Variants in ACAP2 observed in about 807,000 individuals in gnomAD.
The protein encoded by ACAP2 is ArfGAP with coiled-coil, ankyrin repeat and PH domains 2, also known as arf-GAP with coiled-coil, ANK repeat and PH domain-containing protein 2.
ACAP2 carries 39 observed loss-of-function variants against 115.8 expected under a neutral mutation model. The ratio of observed to expected loss-of-function variants is 0.34; its 90% CI spans 0.26 to 0.44. The LOEUF (loss-of-function observed/expected upper bound fraction) is 0.44, where lower values mean the gene tolerates loss of function less well. Among genes scored for constraint, ACAP2 ranks in the 20% least tolerant of loss-of-function variants. The pLI is 1.00. For missense variants in ACAP2, 662 were observed against 927.6 expected, an observed-to-expected ratio of 0.71 and a Z score of 3.72; for synonymous variants, 289 against 315.8, an observed-to-expected ratio of 0.92 and a Z score of 0.90.
intron 4 of ACAP2, among the ~76,000 whole-genome samples, chr3:195,347,996 A>C (rs113449364): frequency 3.3e-5 from 5 of 152,252 alleles, no homozygotes; most frequent in African/African-American, 1.2e-4. Context: ...TAGCCCGAGC[A>C]ACAGAGTAAG....
chr3:195,412,963 C>A (rs139081998), intron 1 of ACAP2: 1 of 450,138 alleles, frequency 2.2e-6, no homozygotes, highest in East Asian at 7.0e-5. Context: ...AATATGTATA[C>A]ATGTAAGGTA....
chr3:195,319,586 G>A (rs750953110), intron 10 of ACAP2, among the ~76,000 whole-genome samples: 11 of 152,240 alleles, frequency 7.2e-5, no homozygotes, highest in Non-Finnish European at 1.3e-4. Context: ...TTTAATGACT[G>A]CCTGGCTGGG....
intron 1 of ACAP2, among the ~76,000 whole-genome samples, chr3:195,437,196 G>C (rs1395761219): frequency 6.8e-6 from 1 of 147,936 alleles, no homozygotes; most frequent in Non-Finnish European, 1.5e-5. Context: ...ACAGGCGTGG[G>C]CCACATTTGG....
At chr3:195,288,923 TATA>T (rs1727048911) in intron 21 of ACAP2, among the ~76,000 whole-genome samples, 195 bp downstream of exon 21, 1 of 152,120 alleles carries the variant, frequency 6.6e-6, no homozygotes, top group African/African-American at 2.4e-5. Flanking sequence ...TTGTATTAAG[TATA>T]ATAAGTAGAG....
chr3:195,363,392 C>T (rs1732499315), intron 4 of ACAP2, among the ~76,000 whole-genome samples: 1 of 152,064 alleles, frequency 6.6e-6, no homozygotes, highest in Non-Finnish European at 1.5e-5. Flanking sequence ...CCTGTAATCC[C>T]AGCACTTTGG....
chr3:195,320,956 G>T, intron 9 of ACAP2, 143 bp from the exon 10 acceptor site: 1 of 508,284 alleles, frequency 2.0e-6, no homozygotes, highest in Non-Finnish European at 3.5e-6. Flanking sequence ...AAATGAAGGG[G>T]GACTTAAATG....
At chr3:195,326,125 T>C (rs1354877914) in intron 9 of ACAP2, among the ~76,000 whole-genome samples, 2 of 152,212 alleles carry the variant, frequency 1.3e-5, no homozygotes, top group Admixed American at 1.3e-4. Flanking sequence ...CATAAAAAAG[T>C]TGATTTTACT....
At chr3:195,293,775 C>T (rs1404423095) in intron 18 of ACAP2, among the ~76,000 whole-genome samples, 2 of 151,942 alleles carry the variant, frequency 1.3e-5, no homozygotes, top group Admixed American at 1.3e-4. Flanking sequence ...AAGGTAGAGG[C>T]TGCAGTGAGC....
At chr3:195,349,222 C>T (rs1358863717) in intron 4 of ACAP2, among the ~76,000 whole-genome samples, 2 of 152,148 alleles carry the variant, frequency 1.3e-5, no homozygotes, top group African/African-American at 2.4e-5. Flanking sequence ...TGGCTCACGC[C>T]TGTAATCCCA....
intron 1 of ACAP2, among the ~76,000 whole-genome samples, chr3:195,421,487 G>A (rs1714187298): frequency 6.6e-6 from 1 of 152,118 alleles, no homozygotes; most frequent in South Asian, 2.1e-4. Context: ...AGCACCTGTC[G>A]CCAGGATACA....
intron 10 of ACAP2, among the ~76,000 whole-genome samples, chr3:195,318,346 C>T (rs1729226274): frequency 6.6e-6 from 1 of 152,102 alleles, no homozygotes; most frequent in African/African-American, 2.4e-5. Context: ...GAGTAACAGG[C>T]AGAGGTTGGA....
chr3:195,343,969 A>T (rs1187130424), intron 5 of ACAP2, among the ~76,000 whole-genome samples: 1 of 152,188 alleles, frequency 6.6e-6, no homozygotes, highest in Non-Finnish European at 1.5e-5. Flanking sequence ...GTGCTTTGGG[A>T]GGTTAAGGTA....
chr3:195,309,453 G>A (rs1160138299), intron 10 of ACAP2, among the ~76,000 whole-genome samples: 3 of 151,948 alleles, frequency 2.0e-5, no homozygotes, highest in Non-Finnish European at 2.9e-5. Flanking sequence ...GGCTGAGGCA[G>A]GAGAACCACT....
At chr3:195,381,152 A>T in intron 3 of ACAP2, 90 bp from the exon 4 acceptor site, 1 of 894,662 alleles carries the variant, frequency 1.1e-6, no homozygotes, top group Non-Finnish European at 1.7e-6. Flanking sequence ...CTGACAGAAG[A>T]TCAAGTTACA....
At chr3:195,312,483 T>G (rs575293164) in intron 10 of ACAP2, among the ~76,000 whole-genome samples, 1 of 152,262 alleles carries the variant, frequency 6.6e-6, no homozygotes, top group Admixed American at 6.5e-5. Flanking sequence ...TAATTTTTTT[T>G]AGAGACAGGG....
intron 4 of ACAP2, among the ~76,000 whole-genome samples, chr3:195,362,366 A>T (rs1208893134): frequency 6.6e-6 from 1 of 151,952 alleles, no homozygotes; most frequent in Non-Finnish European, 1.5e-5. Context: ...CTGAGACCAG[A>T]TGGCTTTACT....
At chr3:195,397,318 G>C (rs1711875730) in intron 1 of ACAP2, among the ~76,000 whole-genome samples, 1 of 152,066 alleles carries the variant, frequency 6.6e-6, no homozygotes. Flanking sequence ...GCAAGGAAAG[G>C]ACAACAGCTG....
At chr3:195,349,926 C>G in intron 4 of ACAP2, 1 of 201,888 alleles carries the variant, frequency 5.0e-6, no homozygotes, top group Non-Finnish European at 1.0e-5. Context: ...TTCCAGAAAA[C>G]ATGATGAGGC....
At chr3:195,437,707 C>T (rs939045984) in intron 1 of ACAP2, among the ~76,000 whole-genome samples, 3 of 147,672 alleles carry the variant, frequency 2.0e-5, no homozygotes, top group South Asian at 4.4e-4. Context: ...CCCAGCTACT[C>T]GGGAGGCTGA....
Sources: gnomAD v4.1 joint callset for allele counts (sites outside exome capture counted in the v4.1 genomes callset) on GRCh38, gnomAD v4.1.1 for gene constraint, MANE v1.5 for transcripts, NCBI Gene and HGNC (gene_info 2026-07-23, HGNC 2026-07-21) for gene names.